The following ZFYVE16 variants were observed in gnomAD, a reference collection of about 807,000 sequenced individuals.
ZFYVE16 encodes zinc finger FYVE-type containing 16.
In ZFYVE16, 89 loss-of-function variants were observed where a neutral mutation model predicts 138.1. The observed-to-expected ratio is 0.64, with a 90% CI of 0.54 to 0.77. The LOEUF (loss-of-function observed/expected upper bound fraction) is 0.77, where lower values mean the gene tolerates loss of function less well. ZFYVE16 is among the 30% of genes least tolerant of loss of function. The probability of loss-of-function intolerance (pLI) is 0.00; values close to 1 mark genes in which losing one functional copy is unlikely to be tolerated. For synonymous variants in ZFYVE16, 596 were observed against 618.3 expected (o/e 0.96, Z 0.53); for missense variants, 1,793 against 1,786.7 (o/e 1.00, Z -0.06).
chr5:80,438,774 C>G lies in ZFYVE16; in HGVS notation c.2089C>G (p.Pro697Ala). ...ITCAIDSTAD[P>A]QVSFNSNYID... ...TTGTGCTATAGATTCTACAGCTGAT[C>G]CACAGGTTAGCTTCAACTCTAATTA... Residue 697 changes from proline (P) to alanine (A), a missense_variant, in exon 4 of 19, where the codon CCA (proline) becomes GCA (alanine). Physicochemically the swap from Pro to Ala is conservative, Grantham distance 27 (BLOSUM62 -1). Transcript: ENST00000505560. The G allele has an allele frequency of 6.2e-7, 1 of 1,614,074 alleles. No individual in the cohort carries two copies. The highest frequency in any genetic ancestry group is 1.3e-5 in the African/African-American group (1 of 75,042).
At chr5:80,428,560 C>G (rs542692349) in intron 2 of ZFYVE16, among the ~76,000 whole-genome samples, 3 of 152,306 alleles carry the variant, frequency 2.0e-5, no homozygotes, top group African/African-American at 4.8e-5. Context: ...TCTCCTCCCC[C>G]AAAGGAACGC....
chr5:80,457,457 A>G (rs140161525), intron 14 of ZFYVE16, among the ~76,000 whole-genome samples: 8 of 152,294 alleles, frequency 5.3e-5, no homozygotes, highest in African/African-American at 1.7e-4. Context: ...TGATAAGGAT[A>G]AGATTGATTT....
chr5:80,419,770 A>G (rs1048563812), intron 1 of ZFYVE16, among the ~76,000 whole-genome samples: 1 of 152,038 alleles, frequency 6.6e-6, no homozygotes, highest in Non-Finnish European at 1.5e-5. Flanking sequence ...ACAAGAATCT[A>G]GAGATCAGGT....
At chr5:80,465,396 C>CTTTTTT (rs1187412933) in intron 15 of ZFYVE16, among the ~76,000 whole-genome samples, 13 of 26,390 alleles carry the variant, frequency 4.9e-4, no homozygotes, top group East Asian at 2.7e-3. Context: ...TTTTCCTTTT[C>CTTTTTT]TTTGTTTTTT....
intron 14 of ZFYVE16, among the ~76,000 whole-genome samples, chr5:80,458,502 TTTG>T (rs1388406816): frequency 1.3e-5 from 2 of 152,236 alleles, no homozygotes; most frequent in Non-Finnish European, 2.9e-5. Context: ...CCTTGTTTTT[TTTG>T]TTGTTGTTAA....
At chr5:80,430,618 A>C (rs1580170742) in intron 2 of ZFYVE16, among the ~76,000 whole-genome samples, 1 of 152,094 alleles carries the variant, frequency 6.6e-6, no homozygotes. Flanking sequence ...TAGAGACACA[A>C]AAAACCCTTC....
intron 15 of ZFYVE16, among the ~76,000 whole-genome samples, chr5:80,462,808 C>T (rs1286730787): frequency 6.6e-6 from 1 of 152,182 alleles, no homozygotes; most frequent in Non-Finnish European, 1.5e-5. Flanking sequence ...TGGGTAAATA[C>T]ACCCGTTCCA....
At chr5:80,430,379 C>G (rs1748820526) in intron 2 of ZFYVE16, among the ~76,000 whole-genome samples, 1 of 151,628 alleles carries the variant, frequency 6.6e-6, no homozygotes. Flanking sequence ...TAAAGATGTT[C>G]TTTGAAACCA....
At chr5:80,408,832 G>A (rs985144122) in intron 1 of ZFYVE16, among the ~76,000 whole-genome samples, 5 of 152,306 alleles carry the variant, frequency 3.3e-5, no homozygotes, top group African/African-American at 1.2e-4. Flanking sequence ...CCATACATTT[G>A]ATATTAAGTT....
chr5:80,449,117 T>A (rs1161332867), intron 8 of ZFYVE16, among the ~76,000 whole-genome samples: 1 of 152,146 alleles, frequency 6.6e-6, no homozygotes, highest in East Asian at 1.9e-4. Flanking sequence ...ATCTTTCTAT[T>A]GATTGTCAAG....
At chr5:80,435,962 A>G (rs573585218) in intron 3 of ZFYVE16, 4 of 203,918 alleles carry the variant, frequency 2.0e-5, no homozygotes, top group Admixed American at 6.1e-5. Flanking sequence ...TTTAAAGTCA[A>G]ATAAAAATAG....
chr5:80,414,296 T>G (rs1745888239), intron 1 of ZFYVE16, among the ~76,000 whole-genome samples: 1 of 152,228 alleles, frequency 6.6e-6, no homozygotes, highest in Non-Finnish European at 1.5e-5. Context: ...TCCATCTTGA[T>G]GGGTTGCTCT....
chr5:80,441,618 T>C, intron 5 of ZFYVE16: 1 of 985,426 alleles, frequency 1.0e-6, no homozygotes, highest in Non-Finnish European at 1.2e-6. Context: ...AAGAAAAAGA[T>C]AATTTGAATA....
At chr5:80,469,679 CAT>C (rs950474878) in intron 15 of ZFYVE16, among the ~76,000 whole-genome samples, 20 of 151,486 alleles carry the variant, frequency 1.3e-4, no homozygotes, top group African/African-American at 4.4e-4. Context: ...AATATATGTG[CAT>C]GTGTGTGTTA....
intron 3 of ZFYVE16, 114 bp downstream of exon 3, chr5:80,434,331 C>A: frequency 1.0e-6 from 1 of 990,702 alleles, no homozygotes; most frequent in South Asian, 1.6e-5. Context: ...GTCACGTTAT[C>A]TTCTGCAAAA....
intron 5 of ZFYVE16, chr5:80,441,305 G>A (rs1420774871): frequency 3.0e-6 from 3 of 985,296 alleles, no homozygotes; most frequent in Non-Finnish European, 3.6e-6. Context: ...TCCAGGAGGG[G>A]AGAAGATATG....
rs1755035364 is a variant in ZFYVE16 at position 80,477,562 on chromosome 5, T to C, written c.*185T>C. On this transcript the variant is annotated 3_prime_UTR_variant, in exon 19 of 19. Transcript: ENST00000505560. Reference sequence around the variant, plus strand: ...CACAATATTTAAATATCTAAAAATTTAAGAGATCCATACTTTCTGTAGCTT... The same window carrying C: ...CACAATATTTAAATATCTAAAAATTCAAGAGATCCATACTTTCTGTAGCTT... The C allele has an allele frequency of 2.2e-6, 1 of 455,524 alleles. No individual in the cohort carries two copies. Among genetic ancestry groups the C allele is most frequent in the Non-Finnish European group, 3.6e-6 (1 of 274,512 alleles). The allele number at this position is 455,524 out of a possible 1,614,324, so 28.2% of individuals were successfully genotyped here.
Position 80,436,805 on chromosome 5 carries a change from C to A in ZFYVE16, c.120C>A (p.His40Gln). The A allele has an allele frequency of 6.2e-7, 1 of 1,614,150 alleles. No individual in the cohort carries two copies. Among genetic ancestry groups the A allele is most frequent in the East Asian group, 2.2e-5 (1 of 44,874 alleles). The change falls in exon 4 of 19, where the codon CAC becomes CAA. Residue 40 changes from histidine to glutamine, a missense_variant. Around this residue, in one of 2 missense-constraint regions of ZFYVE16, gnomAD observed 1,295 missense variants for 1,204.3 expected, o/e 1.08. Transcript: ENST00000505560. ...TACAAAATGCATATGATTCTAACCA[C>A]TGCTCAGTTTCTTCAGAGTTGGCTT... ...QDVQNAYDSN[H>Q]CSVSSELASS... is the part of the protein sequence containing the mutation.
chr5:80,457,525 C>T (rs1752641562), intron 14 of ZFYVE16, among the ~76,000 whole-genome samples: 1 of 152,146 alleles, frequency 6.6e-6, no homozygotes, highest in South Asian at 2.1e-4. Flanking sequence ...GGCTGAATGG[C>T]TTCAGTGATT....
Sources: allele counts gnomAD v4.1 joint callset (sites outside exome capture counted in the v4.1 genomes callset), GRCh38; gene constraint gnomAD v4.1.1; regional missense constraint gnomAD v4.1.1; transcripts MANE v1.5; gene names NCBI Gene and HGNC (gene_info 2026-07-23, HGNC 2026-07-21).